The following SEZ6 variants were observed in gnomAD, a reference collection of about 807,000 sequenced individuals.
SEZ6 encodes the protein seizure related 6 homolog, also known as seizure protein 6 homolog.
SEZ6 carries 53 observed loss-of-function variants against 101.0 expected under a neutral mutation model. The ratio of observed to expected loss-of-function variants is 0.52; its 90% CI spans 0.42 to 0.66. The LOEUF (loss-of-function observed/expected upper bound fraction) is 0.66. Ranked by LOEUF, SEZ6 falls within the 30% of genes least tolerant of loss-of-function variation. The probability of loss-of-function intolerance (pLI) is 0.00; values close to 1 mark genes in which losing one functional copy is unlikely to be tolerated. For synonymous variants in SEZ6, 488 were observed against 512.2 expected (o/e 0.95, Z 0.64); for missense variants, 1,102 against 1,289.4 (o/e 0.85, Z 2.23).
intron 5 of SEZ6, among the ~76,000 whole-genome samples, chr17:28,963,541 C>T (rs1168018034): frequency 2.0e-5 from 3 of 152,208 alleles, no homozygotes; most frequent in Non-Finnish European, 2.9e-5. Context: ...TCCCTGCCCA[C>T]GTTGTTCTCT....
At position 28,959,032 on chromosome 17, in the gene SEZ6, G is replaced by A. The variant is rs775600906; in HGVS notation, c.2100C>T (p.His700=). Residue 700 remains histidine (H), a synonymous_variant, in exon 10 of 17, where the codon CAC becomes CAT. Transcript: ENST00000317338. This position sits in a 1 kb window ranked among gnomAD's most constrained non-coding sequence, Gnocchi z 4.4. ...GGGTAGGGACAAGCTCACCAAAGAAGTGGATGACGAAGCCCTGCTGGTAGC... is the reference window on the plus strand; with the variant it reads ...GGGTAGGGACAAGCTCACCAAAGAAATGGATGACGAAGCCCTGCTGGTAGC... ...VLGYQQGFVI[H]FFEVPRNDTC... is the part of the protein sequence containing the mutation. The A allele has an allele frequency of 6.2e-6, 10 of 1,612,008 alleles. No individual in the cohort carries two copies. The South Asian group carries it at 1.1e-4, about 18-fold the overall frequency.
chr17:28,973,219 G>C (rs1462192438), intron 3 of SEZ6, among the ~76,000 whole-genome samples: 1 of 152,162 alleles, frequency 6.6e-6, no homozygotes, highest in Non-Finnish European at 1.5e-5. Flanking sequence ...CTTGCAAAAG[G>C]TCACATAGGG....
In SEZ6 at chr17:28,957,259, G is replaced by A. The variant is rs752563731; in HGVS notation, c.2495-17C>T. The A allele has an allele frequency of 4.3e-6, 7 of 1,613,872 alleles. No individual in the cohort carries two copies. In the South Asian group the frequency reaches 7.7e-5, roughly 18 times the overall value. On this transcript the variant is annotated splice_polypyrimidine_tract_variant and intron_variant, in intron 12 of 16. Coordinates refer to ENST00000317338, the MANE Select transcript of SEZ6 (RefSeq NM_178860.5). ...GCTGTTCCACTACAAAGCAGGCAGAGTGCAGTGAGGGTGTCATGCCCTTGG... is the reference window on the plus strand; with the variant it reads ...GCTGTTCCACTACAAAGCAGGCAGAATGCAGTGAGGGTGTCATGCCCTTGG...
intron 7 of SEZ6, 114 bp downstream of exon 7, chr17:28,960,391 C>T: frequency 1.4e-6 from 2 of 1,401,376 alleles, no homozygotes; most frequent in South Asian, 1.2e-5. Flanking sequence ...CAGGGGCTGA[C>T]TTGGAAGGAG....
Position 29,005,078 on chromosome 17 carries a change from G to GGGGT in SEZ6, c.55+736_55+737insACCC, listed in dbSNP as rs1463533476. 4.4e-4 allele frequency among the ~76,000 whole-genome samples: 60 copies of GGGGT among 137,762 alleles called. 1 individual carries two copies. Among genetic ancestry groups the GGGGT allele is most frequent in the African/African-American group, 1.6e-3 (58 of 36,170 alleles). 90.4% of individuals were successfully genotyped at this position (137,762 alleles called of 152,430 possible). On this transcript the variant is annotated intron_variant, in intron 1 of 16. Transcript: ENST00000317338. This position sits in a 1 kb window ranked among gnomAD's most constrained non-coding sequence, Gnocchi z 4.8. Reference sequence around the variant, plus strand: ...GGAGGGAGGCAGAGCTCGGGGCAGTGGTGTGTGTGTGTGTGTGTGTGTGTG... The same window carrying GGGGT: ...GGAGGGAGGCAGAGCTCGGGGCAGTGGGGTGTGTGTGTGTGTGTGTGTGTGTGTG...
At chr17:29,002,115 G>T (rs1177859124) in intron 1 of SEZ6, among the ~76,000 whole-genome samples, 2 of 151,380 alleles carry the variant, frequency 1.3e-5, no homozygotes, top group African/African-American at 2.4e-5. Context: ...GTGGGGGTAG[G>T]GGTGGGGTTG....
At chr17:28,985,423 TGGGGCCA>T (rs2041366493) in intron 1 of SEZ6, among the ~76,000 whole-genome samples, 1 of 152,186 alleles carries the variant, frequency 6.6e-6, no homozygotes, top group Admixed American at 6.5e-5. Context: ...CACTGCTGTG[TGGGGCCA>T]GGGCACAGAG....
chr17:28,974,459 C>A (rs960084484), intron 3 of SEZ6, among the ~76,000 whole-genome samples: 1 of 152,228 alleles, frequency 6.6e-6, no homozygotes, highest in African/African-American at 2.4e-5. Flanking sequence ...CTCACAGCAA[C>A]CATAGGATAA....
intron 4 of SEZ6, among the ~76,000 whole-genome samples, chr17:28,969,483 T>C (rs546829745): frequency 6.6e-6 from 1 of 152,290 alleles, no homozygotes; most frequent in South Asian, 2.1e-4. Flanking sequence ...GCTGAATGAA[T>C]GAATGAGGGA....
Position 29,005,434 on chromosome 17 carries a change from C to T in SEZ6, c.55+381G>A, listed in dbSNP as rs890164801. Among the ~76,000 whole-genome samples, 1 of 152,170 alleles carries T rather than the reference C, an allele frequency of 6.6e-6. No homozygotes were observed. The highest frequency in any genetic ancestry group is 1.5e-5 in the Non-Finnish European group (1 of 68,024). Reference sequence around the variant, plus strand: ...GACCACGGGCCGCCAGCTGGACCGTCCCGACTCACTGCCTTGCGCCCCCCG... The same window carrying T: ...GACCACGGGCCGCCAGCTGGACCGTTCCGACTCACTGCCTTGCGCCCCCCG... On this transcript the variant is annotated intron_variant, in intron 1 of 16. Coordinates refer to ENST00000317338, the MANE Select transcript of SEZ6 (RefSeq NM_178860.5). The surrounding 1 kb of genome is among the most constrained non-coding windows in gnomAD (Gnocchi z 4.8).
At chr17:28,965,165 A>G (rs112957710) in intron 4 of SEZ6, among the ~76,000 whole-genome samples, 6 of 152,034 alleles carry the variant, frequency 3.9e-5, no homozygotes, top group African/African-American at 1.2e-4. Context: ...CAGCCTGGCC[A>G]ACATGGAGAA....
chr17:28,993,327 G>A (rs2041491594), intron 1 of SEZ6, among the ~76,000 whole-genome samples: 1 of 151,896 alleles, frequency 6.6e-6, no homozygotes, highest in South Asian at 2.1e-4. Flanking sequence ...GCTATGTTAG[G>A]AGGCAGAGAA....
In SEZ6 at chr17:28,995,347, T is replaced by TG. The variant is rs111548392; in HGVS notation, c.55+10467dup. Among the ~76,000 whole-genome samples, 418 of 147,576 alleles carry TG rather than the reference T, an allele frequency of 2.8e-3. 1 individual carries two copies. The highest frequency in any genetic ancestry group is 9.5e-3 in the East Asian group (48 of 5,038). On this transcript the variant is annotated intron_variant, in intron 1 of 16. Transcript: ENST00000317338. ...GTGTCTCTGTGTGTGTGCATGTATG[T>TG]GGGGGGGGGTGCATTAGGTGAGGAA...
chr17:28,994,848 G>T, intron 1 of SEZ6, among the ~76,000 whole-genome samples: 1 of 151,982 alleles, frequency 6.6e-6, no homozygotes, highest in Admixed American at 6.6e-5. Flanking sequence ...CATGGTGGGG[G>T]ACTGTGCTCT....
chr17:28,960,936 G>A lies in SEZ6; in HGVS notation c.1278C>T (p.Gly426=). 6.2e-7 allele frequency: 1 copy of A among 1,613,852 alleles called. No homozygotes were observed. Among genetic ancestry groups the A allele is most frequent in the South Asian group, 1.1e-5 (1 of 91,090 alleles). The change falls in exon 6 of 17, where the codon GGC becomes GGT. Residue 426 remains glycine (G), a synonymous_variant. Transcript: ENST00000317338. Reference sequence around the variant, plus strand: ...CCGGGAAGCCTGGAGAGACGATGCGGCCGGTGGTGGCATTGCGGATCACTC... The same window carrying A: ...CCGGGAAGCCTGGAGAGACGATGCGACCGGTGGTGGCATTGCGGATCACTC... ...CGGVIRNATT[G]RIVSPGFPGN...
At chr17:28,965,848 A>G (rs1288516841) in intron 4 of SEZ6, among the ~76,000 whole-genome samples, 2 of 152,166 alleles carry the variant, frequency 1.3e-5, no homozygotes, top group Non-Finnish European at 2.9e-5. Flanking sequence ...GGTGGTAGCT[A>G]AAAGGATCAA....
Position 28,955,618 on chromosome 17 carries a change from A to G in SEZ6, c.*344T>C. 5.6e-6 allele frequency: 3 copies of G among 540,400 alleles called. No individual in the cohort carries two copies. Among genetic ancestry groups the G allele is most frequent in the Non-Finnish European group, 1.1e-5 (3 of 281,368 alleles). 33.5% of individuals were successfully genotyped at this position (540,400 alleles called of 1,614,324 possible). A position where few individuals can be genotyped will look rare whatever the true frequency, so the allele number is the denominator to read the frequency against. On this transcript the variant is annotated 3_prime_UTR_variant, in exon 17 of 17. Transcript: ENST00000317338. The stretch of plus-strand genomic sequence containing the variant: ...GGCGGGATGGTGGTCATGTGGAGAA[A>G]GGTACTCCTGCTCTGCTAGTGTGTT...
Position 28,981,727 on chromosome 17 carries a change from G to A in SEZ6, c.368C>T (p.Thr123Ile). The A allele has an allele frequency of 6.2e-7, 1 of 1,601,586 alleles. No homozygotes were observed. Among genetic ancestry groups the A allele is most frequent in the Non-Finnish European group, 8.5e-7 (1 of 1,170,772 alleles). The part of the protein sequence containing the change: ...QDSRPVFTSP[T>I]PAMAAVPTQP... ...AGTGGGTACCGCAGCCATGGCTGGA[G>A]TGGGGCTGGTAAAGACAGGGCGGCT... Residue 123 changes from threonine (T) to isoleucine (I), a missense_variant, in exon 2 of 17, where the codon ACT becomes ATT. Physicochemically the swap from Thr to Ile is moderately conservative, Grantham distance 89. Coordinates refer to ENST00000317338, the MANE Select transcript of SEZ6 (RefSeq NM_178860.5).
rs770455958 is a variant in SEZ6, at chr17:28,981,773, G to A, written c.322C>T (p.Pro108Ser). 10 of 1,612,632 alleles carry A rather than the reference G, an allele frequency of 6.2e-6. No homozygotes were observed. In the South Asian group the frequency reaches 9.9e-5, roughly 16 times the overall value. ...PPAPFTPSPL[P>S]RLANQDSRPV... ...CGGCTGTCCTGGTTGGCCAGGCGGGGAAGGGGACTTGGGGTGAAGGGTGCA... is the reference window on the plus strand; with the variant it reads ...CGGCTGTCCTGGTTGGCCAGGCGGGAAAGGGGACTTGGGGTGAAGGGTGCA... The change falls in exon 2 of 17, where the codon CCC becomes TCC. Residue 108 changes from proline to serine, a missense_variant. Coordinates refer to ENST00000317338, the MANE Select transcript of SEZ6 (RefSeq NM_178860.5).
Sources: gnomAD v4.1 joint callset for allele counts (sites outside exome capture counted in the v4.1 genomes callset) on GRCh38, gnomAD v4.1.1 for gene constraint, Gnocchi (gnomAD v3.1) non-coding constraint, MANE v1.5 for transcripts, NCBI Gene and HGNC (gene_info 2026-07-23, HGNC 2026-07-21) for gene names.